Variants in UNC80 observed in about 807,000 individuals in gnomAD.
The protein encoded by UNC80 is unc-80 subunit of NALCN channel complex, also known as protein unc-80 homolog.
Under a neutral mutation model 384.6 loss-of-function variants are expected in UNC80, and 164 were observed. The ratio of observed to expected loss-of-function variants is 0.43; its 90% CI spans 0.38 to 0.49. The LOEUF (loss-of-function observed/expected upper bound fraction) is 0.49. Among genes scored for constraint, UNC80 ranks in the 20% least tolerant of loss-of-function variants. The probability of loss-of-function intolerance (pLI) is 0.00; values close to 1 mark genes in which losing one functional copy is unlikely to be tolerated. For synonymous variants in UNC80, 1,486 were observed against 1,527.8 expected, an observed-to-expected ratio of 0.97 and a Z score of 0.64; for missense variants, 3,330 against 4,143.0, an observed-to-expected ratio of 0.80 and a Z score of 5.39.
At chr2:209,856,532 A>T (rs1002697909) in intron 22 of UNC80, among the ~76,000 whole-genome samples, 2 of 152,026 alleles carry the variant, frequency 1.3e-5, no homozygotes, top group African/African-American at 4.8e-5. Context: ...ATTTTTCTCT[A>T]AAAGTATTAA....
chr2:209,951,315 T>TAGA (rs2092173667), intron 47 of UNC80, among the ~76,000 whole-genome samples: 1 of 151,512 alleles, frequency 6.6e-6, no homozygotes, highest in Non-Finnish European at 1.5e-5. Flanking sequence ...CTCTCTCTTT[T>TAGA]GAGATGGAAT....
Position 209,840,626 on chromosome 2 carries a change from C to G in UNC80, c.3335C>G (p.Ser1112Cys). The change falls in exon 20 of 65, where the codon TCT becomes TGT. Residue 1112 changes from serine (S) to cysteine (C), a missense_variant. Physicochemically the swap from Ser to Cys is moderately radical, Grantham distance 112 (BLOSUM62 -1). Transcript: ENST00000673920. Reference protein sequence around the residue: ...LLDISSVDRLSFIRQSSKVKF... With the variant: ...LLDISSVDRLCFIRQSSKVKF... ...GACATTAGCTCTGTGGACCGACTCT[C>G]TTTCATCAGGCAAAGCTCCAAGGTA... The G allele has an allele frequency of 6.4e-7, 1 of 1,552,064 alleles. No individual in the cohort carries two copies. Among genetic ancestry groups the G allele is most frequent in the Non-Finnish European group, 8.7e-7 (1 of 1,147,000 alleles).
chr2:209,849,330 G>A lies in UNC80; in HGVS notation c.3455-121G>A. 5.4e-6 allele frequency: 6 copies of A among 1,102,862 alleles called. No homozygotes were observed. The South Asian group carries it at 6.8e-5, about 12-fold the overall frequency. The allele number at this position is 1,102,862 out of a possible 1,614,324, so 68.3% of individuals were successfully genotyped here. On this transcript the variant is annotated intron_variant, in intron 21 of 64. Transcript: ENST00000673920. ...TGGAGAGCAAGGAAGTGGAGTGAAGGAGAAAGTTTTCTGGCCAACACTGTA... is the reference window on the plus strand; with the variant it reads ...TGGAGAGCAAGGAAGTGGAGTGAAGAAGAAAGTTTTCTGGCCAACACTGTA...
intron 20 of UNC80, among the ~76,000 whole-genome samples, chr2:209,841,337 TTTGTTGTTG>T: frequency 6.6e-6 from 1 of 152,178 alleles, no homozygotes; most frequent in South Asian, 2.1e-4. Context: ...CTTGTGGGTT[TTTGTTGTTG>T]TTGTTGTTGT....
rs765413909 is a variant in UNC80 at position 209,995,297 on chromosome 2, T to C, written c.9709-32T>C. On this transcript the variant is annotated intron_variant, in intron 64 of 64. Coordinates refer to ENST00000673920, the MANE Select transcript of UNC80 (RefSeq NM_001371986.1). ...GTTCTTCTCTGGTACCCATCCTATC[T>C]TTCCATAATGTTATGATCCTTTTGA... 1.7e-5 allele frequency: 27 copies of C among 1,548,070 alleles called. No individual in the cohort carries two copies. The South Asian group carries it at 3.0e-4, about 17-fold the overall frequency.
intron 48 of UNC80, among the ~76,000 whole-genome samples, chr2:209,955,496 C>T (rs979589572): frequency 2.0e-5 from 3 of 151,606 alleles, no homozygotes; most frequent in Admixed American, 6.6e-5. Context: ...ACAGCCATGA[C>T]AAATTATCTC....
At chr2:209,944,431 T>C (rs2091813399) in intron 45 of UNC80, among the ~76,000 whole-genome samples, 1 of 152,198 alleles carries the variant, frequency 6.6e-6, no homozygotes, top group African/African-American at 2.4e-5. Flanking sequence ...AAGACCTTTG[T>C]ATGCTTTTGT....
chr2:209,926,767 C>T, intron 35 of UNC80, 76 bp from the exon 36 acceptor site: 1 of 1,508,832 alleles, frequency 6.6e-7, no homozygotes, highest in South Asian at 1.3e-5. Flanking sequence ...CAGAGTGAGA[C>T]CCTATCTCAA....
intron 24 of UNC80, among the ~76,000 whole-genome samples, chr2:209,880,715 T>C (rs1241895484): frequency 6.6e-6 from 1 of 152,202 alleles, no homozygotes; most frequent in Non-Finnish European, 1.5e-5. Flanking sequence ...AAGCACTCTG[T>C]AGAATTTGCA....
chr2:209,888,860 T>C (rs2086075770), intron 26 of UNC80, among the ~76,000 whole-genome samples: 1 of 152,198 alleles, frequency 6.6e-6, no homozygotes, highest in African/African-American at 2.4e-5. Flanking sequence ...AATAATATTA[T>C]GTTTCTCAAT....
intron 26 of UNC80, among the ~76,000 whole-genome samples, chr2:209,892,867 G>A (rs1009231996): frequency 2.0e-5 from 3 of 152,186 alleles, no homozygotes; most frequent in African/African-American, 7.2e-5. Context: ...CATAGCCTTT[G>A]TGGGATTTGT....
At chr2:209,908,350 C>T (rs1363316683) in intron 29 of UNC80, among the ~76,000 whole-genome samples, 2 of 152,170 alleles carry the variant, frequency 1.3e-5, no homozygotes, top group Admixed American at 6.5e-5. Flanking sequence ...TGCTAATCTA[C>T]ATTTCAATGC....
chr2:209,872,844 G>T lies in UNC80; in HGVS notation c.3714G>T (p.Trp1238Cys). The change falls in exon 23 of 65, where the codon TGG becomes TGT. Residue 1238 changes from tryptophan (W) to cysteine (C), a missense_variant. Coordinates refer to ENST00000673920, the MANE Select transcript of UNC80 (RefSeq NM_001371986.1). This position sits in a 1 kb window ranked among gnomAD's most constrained non-coding sequence, Gnocchi z 4.1. Reference protein sequence around the residue: ...HRCNRGNWPEWMKGHHVNITK... With the variant: ...HRCNRGNWPECMKGHHVNITK... ...GCAACCGTGGCAACTGGCCAGAGTG[G>T]ATGAAAGGGCACCACGTGAACATCA... 1 of 1,551,474 alleles carries T rather than the reference G, an allele frequency of 6.4e-7. No homozygotes were observed. The highest frequency in any genetic ancestry group is 8.7e-7 in the Non-Finnish European group (1 of 1,146,850).
intron 7 of UNC80, chr2:209,808,793 C>A: frequency 3.2e-6 from 1 of 310,912 alleles, no homozygotes; most frequent in Non-Finnish European, 6.2e-6. Flanking sequence ...GACCTCGTTG[C>A]CTCTGCCACC....
Position 209,970,723 on chromosome 2 carries a change from C to T in UNC80, c.8131-109C>T, listed in dbSNP as rs574542675. On this transcript the variant is annotated intron_variant, in intron 53 of 64. Coordinates refer to ENST00000673920, the MANE Select transcript of UNC80 (RefSeq NM_001371986.1). ...AAAGAAAAGATTGAAAGTAACATGT[C>T]CAACCTTCAATTTATCATTTTTATT... The T allele has an allele frequency of 2.9e-4, 394 of 1,345,778 alleles. 1 individual carries two copies. The highest frequency in any genetic ancestry group is 3.7e-4 in the Non-Finnish European group (376 of 1,003,706). The allele number at this position is 1,345,778 out of a possible 1,614,324, so 83.4% of individuals were successfully genotyped here.
chr2:209,886,263 G>C lies in UNC80; in HGVS notation c.4111-1832G>C, dbSNP rs138135493. Among the ~76,000 whole-genome samples, 815 of 151,530 alleles carry C rather than the reference G, an allele frequency of 5.4e-3. 10 individuals are homozygous for C. Among genetic ancestry groups the C allele is most frequent in the African/African-American group, 0.018 (763 of 41,356 alleles). On this transcript the variant is annotated intron_variant, in intron 25 of 64. Coordinates refer to ENST00000673920, the MANE Select transcript of UNC80 (RefSeq NM_001371986.1). ...ATATATATTTTTAGGTACTCCAAAAGTGCTTTATAAGTTAATAATTACATA... is the reference window on the plus strand; with the variant it reads ...ATATATATTTTTAGGTACTCCAAAACTGCTTTATAAGTTAATAATTACATA...
chr2:209,844,423 T>C (rs1439868293), intron 21 of UNC80, among the ~76,000 whole-genome samples: 1 of 150,260 alleles, frequency 6.7e-6, no homozygotes, highest in Non-Finnish European at 1.5e-5. Flanking sequence ...TCTCTCTTTC[T>C]TTCTCTTTCT....
rs1342106469 is a variant in UNC80, at chr2:209,813,740, C to T, written c.1099C>T (p.Pro367Ser). Residue 367 changes from proline to serine, a missense_variant, in exon 8 of 65, where the codon CCA (proline) becomes TCA (serine). By Grantham distance (74) the Pro-to-Ser change is moderately conservative. Transcript: ENST00000673920. ...GCTGCGACACATGTTGGAAGAGAAG[C>T]CAGAAAAGCCTCCGGAGCCAGATAT... is the stretch of plus-strand genomic sequence containing the variant. ...QRLRHMLEEK[P>S]EKPPEPDIPL... 6.4e-7 allele frequency: 1 copy of T among 1,551,792 alleles called. No individual in the cohort carries two copies. Among genetic ancestry groups the T allele is most frequent in the South Asian group, 1.2e-5 (1 of 84,060 alleles).
chr2:209,941,531 T>G, intron 44 of UNC80, 42 bp downstream of exon 44: 1 of 1,489,760 alleles, frequency 6.7e-7, no homozygotes, highest in Non-Finnish European at 9.0e-7. Flanking sequence ...TTAACATGAG[T>G]ACTGCTCATA....
Sources: allele counts gnomAD v4.1 joint callset (sites outside exome capture counted in the v4.1 genomes callset), GRCh38; gene constraint gnomAD v4.1.1; non-coding constraint Gnocchi (gnomAD v3.1); transcripts MANE v1.5; gene names NCBI Gene and HGNC (gene_info 2026-07-23, HGNC 2026-07-21).